The following LYNX1 variants were observed in gnomAD, a reference collection of about 807,000 sequenced individuals.
LYNX1 encodes the protein ly-6/neurotoxin-like protein 1.
A neutral mutation model predicts 8.3 loss-of-function variants in LYNX1; 8 were observed. The ratio of observed to expected loss-of-function variants is 0.97; its 90% CI spans 0.57 to 1.74. The LOEUF (loss-of-function observed/expected upper bound fraction) is 1.74, where lower values mean the gene tolerates loss of function less well. LYNX1 is among the 40% of genes most tolerant of loss of function. The probability of loss-of-function intolerance (pLI) is 0.00; values close to 1 mark genes in which losing one functional copy is unlikely to be tolerated. For synonymous variants in LYNX1, 73 were observed against 67.9 expected (o/e 1.08, Z -0.37); for missense variants, 158 against 159.7 (o/e 0.99, Z 0.06).
In LYNX1 at chr8:142,775,224, G is replaced by C; in HGVS notation, c.294C>G (p.Thr98=). The change falls in exon 4 of 4, where the codon ACC becomes ACG. Residue 98 remains threonine (T), a synonymous_variant. Coordinates refer to ENST00000652477, the MANE Select transcript of LYNX1 (RefSeq NM_177477.4). Reference sequence around the variant, plus strand: ...TGGGGGCCAGGGCCAGGGTGGCCGGGGTGGCAAGGCCGGTGCCGTTGCAGA... The same window carrying C: ...TGGGGGCCAGGGCCAGGGTGGCCGGCGTGGCAAGGCCGGTGCCGTTGCAGA... ...YDLCNGTGLA[T]PATLALAPIL... is the part of the protein sequence containing the mutation. The C allele has an allele frequency of 6.2e-7, 1 of 1,613,492 alleles. No homozygotes were observed. Among genetic ancestry groups the C allele is most frequent in the Non-Finnish European group, 8.5e-7 (1 of 1,179,806 alleles).
Position 142,771,587 on chromosome 8 carries a change from A to C in LYNX1, c.*3580T>G, listed in dbSNP as rs1461947235. ...GGGAAGGAGATCCTGAGGGGCTGGC[A>C]GATTCAGGCCCTCCCTGCGAGCTGA... is the stretch of plus-strand genomic sequence containing the variant. On this transcript the variant is annotated 3_prime_UTR_variant, in exon 4 of 4. Transcript: ENST00000652477. 1.0e-6 allele frequency: 1 copy of C among 985,658 alleles called. No homozygotes were observed. The highest frequency in any genetic ancestry group is 1.7e-5 in the African/African-American group (1 of 57,364). The allele number at this position is 985,658 out of a possible 1,614,324, so 61.1% of individuals were successfully genotyped here.
intron 2 of LYNX1, 35 bp from the exon 3 acceptor site, chr8:142,775,729 G>T: frequency 1.3e-6 from 2 of 1,558,046 alleles, no homozygotes; most frequent in East Asian, 2.4e-5. Context: ...GGGAACGGGG[G>T]TCACAGAACA....
upstream of LYNX1, chr8:142,777,866 C>G (rs931286822): frequency 2.5e-6 from 1 of 398,526 alleles, no homozygotes; most frequent in Non-Finnish European, 4.4e-6. Flanking sequence ...GTTTGTCGGC[C>G]GGCACCAGCC....
Position 142,776,039 on chromosome 8 carries a change from G to C in LYNX1, c.-82C>G, listed in dbSNP as rs1815411860. On this transcript the variant is annotated 5_prime_UTR_variant, in exon 2 of 4. Coordinates refer to ENST00000652477, the MANE Select transcript of LYNX1 (RefSeq NM_177477.4). Reference sequence around the variant, plus strand: ...ATCCAACTCAGGGGTGGCGCACAGAGGATCCAACTCAGGGTGGTGCGCAGA... The same window carrying C: ...ATCCAACTCAGGGGTGGCGCACAGACGATCCAACTCAGGGTGGTGCGCAGA... 1.3e-6 allele frequency: 2 copies of C among 1,529,756 alleles called. No individual in the cohort carries two copies. The highest frequency in any genetic ancestry group is 2.7e-5 in the African/African-American group (2 of 73,198). 94.8% of individuals were successfully genotyped at this position (1,529,756 alleles called of 1,614,324 possible).
chr8:142,773,051 T>C lies in LYNX1; in HGVS notation c.*2116A>G. On this transcript the variant is annotated 3_prime_UTR_variant, in exon 4 of 4. Coordinates refer to ENST00000652477, the MANE Select transcript of LYNX1 (RefSeq NM_177477.4). ...ACTGAGACTCGAGACAGGGAGGACCTGATCCTGGAGTCCCTCCCAGCCCTG... is the reference window on the plus strand; with the variant it reads ...ACTGAGACTCGAGACAGGGAGGACCCGATCCTGGAGTCCCTCCCAGCCCTG... The C allele has an allele frequency of 5.1e-6, 5 of 985,500 alleles. No individual in the cohort carries two copies. The highest frequency in any genetic ancestry group is 6.0e-6 in the Non-Finnish European group (5 of 830,002). 61.0% of individuals were successfully genotyped at this position (985,500 alleles called of 1,614,324 possible).
intron 3 of LYNX1, 35 bp downstream of exon 3, chr8:142,775,558 C>A (rs1222102988): frequency 7.0e-6 from 11 of 1,564,514 alleles, no homozygotes; most frequent in Non-Finnish European, 9.5e-6. Flanking sequence ...CCTTCGTGCT[C>A]CCCAGGCAGG....
Position 142,775,689 on chromosome 8 carries a change from C to T in LYNX1, c.58G>A (p.Ala20Thr). 2 of 1,595,562 alleles carry T rather than the reference C, an allele frequency of 1.3e-6. No homozygotes were observed. Among genetic ancestry groups the T allele is most frequent in the Non-Finnish European group, 1.7e-6 (2 of 1,171,154 alleles). Reference protein sequence around the residue: ...VVLMGLPLAQALDCHVCAYNG... With the variant: ...VVLMGLPLAQTLDCHVCAYNG... ...TAGGCACACACGTGGCAGTCCAAGG[C>T]CTGGGCTGGGGTTGGCAGATGGGCG... is the stretch of plus-strand genomic sequence containing the variant. The change falls in exon 3 of 4, where the codon GCC becomes ACC. Residue 20 changes from alanine to threonine, a missense_variant. Ala to Thr is a moderately conservative substitution (Grantham distance 58). Coordinates refer to ENST00000652477, the MANE Select transcript of LYNX1 (RefSeq NM_177477.4).
rs1563837244 is a variant in LYNX1, at chr8:142,772,575, GTCC to G, written c.*2589_*2591del. The G allele has an allele frequency of 1.0e-6, 1 of 985,474 alleles. No individual in the cohort carries two copies. Among genetic ancestry groups the G allele is most frequent in the Non-Finnish European group, 1.2e-6 (1 of 830,048 alleles). The allele number at this position is 985,474 out of a possible 1,614,324, so 61.0% of individuals were successfully genotyped here. Reference sequence around the variant, plus strand: ...CTACTTCACCTCCCTGTGCCTCTGTGTCCTCCTCTGTCAAAGGGGCAAGATAAT... The same window carrying G: ...CTACTTCACCTCCCTGTGCCTCTGTGTCCTCTGTCAAAGGGGCAAGATAAT... On this transcript the variant is annotated 3_prime_UTR_variant, in exon 4 of 4. Coordinates refer to ENST00000652477, the MANE Select transcript of LYNX1 (RefSeq NM_177477.4).
chr8:142,772,204 G>C lies in LYNX1; in HGVS notation c.*2963C>G. 2.0e-6 allele frequency: 2 copies of C among 986,070 alleles called. No homozygotes were observed. The highest frequency in any genetic ancestry group is 2.4e-6 in the Non-Finnish European group (2 of 830,040). The allele number at this position is 986,070 out of a possible 1,614,324, so 61.1% of individuals were successfully genotyped here. A position where few individuals can be genotyped will look rare whatever the true frequency, so the allele number is the denominator to read the frequency against. On this transcript the variant is annotated 3_prime_UTR_variant, in exon 4 of 4. Transcript: ENST00000652477. ...CATGTCCAGGACTCAGGTCCACACA[G>C]ACAGTGGCAACAGCTAGCCCTGGGC...
Position 142,775,012 on chromosome 8 carries a change from G to C in LYNX1, c.*155C>G, listed in dbSNP as rs1815342212. 3.5e-6 allele frequency: 5 copies of C among 1,439,782 alleles called. No homozygotes were observed. The East Asian group carries it at 1.0e-4, about 29-fold the overall frequency. The allele number at this position is 1,439,782 out of a possible 1,614,324, so 89.2% of individuals were successfully genotyped here. ...TCGAAGTGAGGTCGTGTGGTGGTTG[G>C]GGGAGGTCGGGTGTCTTCTTGCCCA... is the stretch of plus-strand genomic sequence containing the variant. On this transcript the variant is annotated 3_prime_UTR_variant, in exon 4 of 4. Coordinates refer to ENST00000652477, the MANE Select transcript of LYNX1 (RefSeq NM_177477.4).
Position 142,775,218 on chromosome 8 carries a change from G to A in LYNX1, c.300C>T (p.Ala100=), listed in dbSNP as rs1275081752. ...GGAGGATGGGGGCCAGGGCCAGGGT[G>A]GCCGGGGTGGCAAGGCCGGTGCCGT... ...LCNGTGLATP[A]TLALAPILLA... The change falls in exon 4 of 4, where the codon GCC becomes GCT. Residue 100 remains alanine, a synonymous_variant. Coordinates refer to ENST00000652477, the MANE Select transcript of LYNX1 (RefSeq NM_177477.4). The A allele has an allele frequency of 6.2e-7, 1 of 1,613,222 alleles. No individual in the cohort carries two copies. The highest frequency in any genetic ancestry group is 1.3e-5 in the African/African-American group (1 of 75,042).
Position 142,771,544 on chromosome 8 carries a change from G to A in LYNX1, c.*3623C>T. ...CCCTTCTGTCTGGGAGGCTCCTTAA[G>A]GCTGGGGAGGGCCCAGAGGGAAGGA... On this transcript the variant is annotated 3_prime_UTR_variant, in exon 4 of 4. Transcript: ENST00000652477. 1 of 985,502 alleles carries A rather than the reference G, an allele frequency of 1.0e-6. No homozygotes were observed. The highest frequency in any genetic ancestry group is 1.2e-6 in the Non-Finnish European group (1 of 829,990). 61.0% of individuals were successfully genotyped at this position (985,502 alleles called of 1,614,324 possible). A position where few individuals can be genotyped will look rare whatever the true frequency, so the allele number is the denominator to read the frequency against.
chr8:142,776,864 C>G (rs2572932), intron 1 of LYNX1: 129,171 of 152,256 alleles, frequency 0.85, 55,331 homozygotes, highest in Non-Finnish European at 0.88. Flanking sequence ...CTACCCCTGC[C>G]GGGATACTCG....
Position 142,772,747 on chromosome 8 carries a change from CTGCACAGCCACGCA to C in LYNX1, c.*2406_*2419del. ...GCGCTGCTGTGCCGGTTCCCTGGTG[CTGCACAGCCACGCA>C]CTCCCCATGAGTGGGCCTGCCCAGC... On this transcript the variant is annotated 3_prime_UTR_variant, in exon 4 of 4. Coordinates refer to ENST00000652477, the MANE Select transcript of LYNX1 (RefSeq NM_177477.4). 2 of 985,540 alleles carry C rather than the reference CTGCACAGCCACGCA, an allele frequency of 2.0e-6. No homozygotes were observed. Among genetic ancestry groups the C allele is most frequent in the Non-Finnish European group, 2.4e-6 (2 of 829,976 alleles). The allele number at this position is 985,540 out of a possible 1,614,324, so 61.0% of individuals were successfully genotyped here.
At position 142,775,156 on chromosome 8, in the gene LYNX1, C is replaced by T. The variant is rs1815348894; in HGVS notation, c.*11G>A. Reference sequence around the variant, plus strand: ...AGAGCTTTGTTCTTGAGTGGGTCTGCCTCGGGGGCTTTAGAGGAGACCCCA... The same window carrying T: ...AGAGCTTTGTTCTTGAGTGGGTCTGTCTCGGGGGCTTTAGAGGAGACCCCA... On this transcript the variant is annotated 3_prime_UTR_variant, in exon 4 of 4. Coordinates refer to ENST00000652477, the MANE Select transcript of LYNX1 (RefSeq NM_177477.4). The T allele has an allele frequency of 6.2e-7, 1 of 1,607,760 alleles. No individual in the cohort carries two copies. Among genetic ancestry groups the T allele is most frequent in the Non-Finnish European group, 8.5e-7 (1 of 1,177,704 alleles).
Position 142,771,869 on chromosome 8 carries a change from CCCCAGGACAG to C in LYNX1, c.*3288_*3297del, listed in dbSNP as rs1815196328. ...AGGGCCGCAGCCCTGCCCCCAAAGACCCCAGGACAGACCAGAGCTCCTGCTGGAGCCGGGT... is the reference window on the plus strand; with the variant it reads ...AGGGCCGCAGCCCTGCCCCCAAAGACACCAGAGCTCCTGCTGGAGCCGGGT... On this transcript the variant is annotated 3_prime_UTR_variant, in exon 4 of 4. Transcript: ENST00000652477. The C allele has an allele frequency of 1.0e-6, 1 of 985,840 alleles. No individual in the cohort carries two copies. Among genetic ancestry groups the C allele is most frequent in the African/African-American group, 1.7e-5 (1 of 57,192 alleles). The allele number at this position is 985,840 out of a possible 1,614,324, so 61.1% of individuals were successfully genotyped here.
rs1800325518 is a variant in LYNX1, at chr8:142,775,622, A to G, written c.125T>C (p.Met42Thr). 1 of 1,600,780 alleles carries G rather than the reference A, an allele frequency of 6.2e-7. No individual in the cohort carries two copies. Among genetic ancestry groups the G allele is most frequent in the South Asian group, 1.1e-5 (1 of 88,590 alleles). Residue 42 changes from methionine (M) to threonine (T), a missense_variant, in exon 3 of 4, where the codon ATG becomes ACG. Coordinates refer to ENST00000652477, the MANE Select transcript of LYNX1 (RefSeq NM_177477.4). ...NCFNPMRCPAMVAYCMTTRTY... is the reference protein window; with the variant it reads ...NCFNPMRCPATVAYCMTTRTY... The stretch of plus-strand genomic sequence containing the variant: ...GCGCGTGGTCATGCAGTAGGCAACC[A>G]TAGCCGGGCAGCGCATGGGGTTGAA...
rs587715756 is a variant in LYNX1, at chr8:142,771,815, C to T, written c.*3352G>A. ...AGCTGGCCTGGCTCCCCCACTTCCC[C>T]AGGACCTCCGCCTGGAGGAAGCCTG... is the stretch of plus-strand genomic sequence containing the variant. On this transcript the variant is annotated 3_prime_UTR_variant, in exon 4 of 4. Transcript: ENST00000652477. The T allele has an allele frequency of 1.3e-4, 124 of 985,886 alleles. No individual in the cohort carries two copies. Among genetic ancestry groups the T allele is most frequent in the Admixed American group, 3.1e-4 (5 of 16,296 alleles). The allele number at this position is 985,886 out of a possible 1,614,324, so 61.1% of individuals were successfully genotyped here. A position where few individuals can be genotyped will look rare whatever the true frequency, so the allele number is the denominator to read the frequency against.
chr8:142,772,190 C>T lies in LYNX1; in HGVS notation c.*2977G>A. 1.0e-6 allele frequency: 1 copy of T among 986,150 alleles called. No homozygotes were observed. Among genetic ancestry groups the T allele is most frequent in the Non-Finnish European group, 1.2e-6 (1 of 830,094 alleles). 61.1% of individuals were successfully genotyped at this position (986,150 alleles called of 1,614,324 possible). ...CTGAGTCACTCGGGCATGTCCAGGA[C>T]TCAGGTCCACACAGACAGTGGCAAC... On this transcript the variant is annotated 3_prime_UTR_variant, in exon 4 of 4. Transcript: ENST00000652477.
Sources: gnomAD v4.1 joint callset for allele counts on GRCh38, gnomAD v4.1.1 for gene constraint, MANE v1.5 for transcripts, NCBI Gene and HGNC (gene_info 2026-07-23, HGNC 2026-07-21) for gene names.